Variants in CNTLN observed in about 807,000 individuals in gnomAD.
CNTLN encodes centlein.
A neutral mutation model predicts 180.0 loss-of-function variants in CNTLN; 212 were observed. That is an observed-to-expected ratio of 1.18 (90% CI 1.05 to 1.32). The LOEUF is 1.32. CNTLN is among the 40% of genes most tolerant of loss of function. CNTLN has a pLI of 0.00. For synonymous variants in CNTLN, 722 were observed against 563.1 expected (o/e 1.28, Z -3.99); for missense variants, 2,095 against 1,610.9 (o/e 1.30, Z -5.14).
At chr9:17,340,506 A>T (rs1419671010) in intron 10 of CNTLN, among the ~76,000 whole-genome samples, 3 of 152,236 alleles carry the variant, frequency 2.0e-5, no homozygotes, top group African/African-American at 7.2e-5. Context: ...GCTGAAAAAG[A>T]AAATAATTAA....
At chr9:17,321,840 A>AT (rs1473224857) in intron 8 of CNTLN, among the ~76,000 whole-genome samples, 2 of 151,588 alleles carry the variant, frequency 1.3e-5, no homozygotes, top group Non-Finnish European at 2.9e-5. Context: ...TTTCTATTCC[A>AT]TTTTTTTCTC....
intron 8 of CNTLN, among the ~76,000 whole-genome samples, chr9:17,326,130 A>G (rs2133078112): frequency 6.6e-6 from 1 of 152,230 alleles, no homozygotes; most frequent in East Asian, 1.9e-4. Flanking sequence ...AGTGTGAAAA[A>G]TAAAGTTATG....
chr9:17,443,487 A>G (rs1381151374), intron 18 of CNTLN, among the ~76,000 whole-genome samples: 1 of 152,172 alleles, frequency 6.6e-6, no homozygotes, highest in African/African-American at 2.4e-5. Context: ...TTAAATTGCT[A>G]TATGGTTGAG....
chr9:17,177,995 A>G (rs887595113), intron 2 of CNTLN, among the ~76,000 whole-genome samples: 10 of 151,934 alleles, frequency 6.6e-5, no homozygotes, highest in African/African-American at 2.4e-4. Flanking sequence ...AGTTCTCCAC[A>G]TCCCCACTAG....
chr9:17,384,926 G>T (rs1428108744), intron 13 of CNTLN, among the ~76,000 whole-genome samples: 2 of 152,136 alleles, frequency 1.3e-5, no homozygotes, highest in African/African-American at 4.8e-5. Flanking sequence ...AGACCCTACA[G>T]ATTAAGGACT....
At chr9:17,161,131 T>G (rs1451900209) in intron 2 of CNTLN, among the ~76,000 whole-genome samples, 1 of 152,132 alleles carries the variant, frequency 6.6e-6, no homozygotes, top group Non-Finnish European at 1.5e-5. Context: ...ATTAGAAGTT[T>G]ATGTTGTTGA....
At chr9:17,458,247 A>G (rs1831254016) in intron 19 of CNTLN, among the ~76,000 whole-genome samples, 1 of 151,860 alleles carries the variant, frequency 6.6e-6, no homozygotes. Flanking sequence ...ATCTAAGACC[A>G]AGCGAAACTG....
At chr9:17,153,364 C>G (rs1225875983) in intron 2 of CNTLN, among the ~76,000 whole-genome samples, 4 of 152,144 alleles carry the variant, frequency 2.6e-5, no homozygotes, top group Admixed American at 6.5e-5. Flanking sequence ...TGACAAAAAT[C>G]CCTCAGCATT....
At chr9:17,520,726 A>G in the CNTLN span, among the ~76,000 whole-genome samples, 1 of 152,242 alleles carries the variant, frequency 6.6e-6, no homozygotes. Context: ...TTGCTCTGTT[A>G]AGAGCAAAAT....
the CNTLN span, among the ~76,000 whole-genome samples, chr9:17,509,274 C>G: frequency 0.077 from 11,797 of 152,226 alleles, 1,483 homozygotes; most frequent in African/African-American, 0.26. Context: ...GATCAGCCAG[C>G]TACCTGGTGG....
rs1390381521 is a variant in CNTLN at position 17,416,141 on chromosome 9, A to G, written c.3066A>G (p.Gln1022=). Residue 1022 remains glutamine, a synonymous_variant, in exon 18 of 26, where the codon CAA becomes CAG. Coordinates refer to ENST00000380647, the MANE Select transcript of CNTLN (RefSeq NM_017738.4). The part of the protein sequence containing the change: ...YKEVNEKLLH[Q]QQVSDQRFQT... ...AAGTTAATGAAAAGCTCCTCCATCA[A>G]CAGCAAGTATCCGATCAACGATTTC... 1.9e-6 allele frequency: 3 copies of G among 1,613,564 alleles called. No individual in the cohort carries two copies. Among genetic ancestry groups the G allele is most frequent in the African/African-American group, 1.3e-5 (1 of 75,028 alleles).
intron 18 of CNTLN, among the ~76,000 whole-genome samples, chr9:17,445,888 C>A (rs189145847): frequency 6.6e-6 from 1 of 152,028 alleles, no homozygotes; most frequent in Admixed American, 6.5e-5. Context: ...TGGAATGTCC[C>A]GGTATAAAAC....
chr9:17,521,081 T>C, the CNTLN span, among the ~76,000 whole-genome samples: 1 of 152,080 alleles, frequency 6.6e-6, no homozygotes, highest in Non-Finnish European at 1.5e-5. Context: ...CTGTAAGTAA[T>C]CTAACTAGAC....
chr9:17,244,451 C>T (rs1475117671), intron 5 of CNTLN, among the ~76,000 whole-genome samples: 1 of 152,130 alleles, frequency 6.6e-6, no homozygotes, highest in African/African-American at 2.4e-5. Flanking sequence ...CTCCTGGGCT[C>T]AAGTGACCCT....
At chr9:17,253,041 G>A (rs1208393104) in intron 5 of CNTLN, among the ~76,000 whole-genome samples, 1 of 151,416 alleles carries the variant, frequency 6.6e-6, no homozygotes, top group East Asian at 1.9e-4. Flanking sequence ...TATCGCCAAT[G>A]TATATTCTTA....
chr9:17,523,078 G>A, the CNTLN span, among the ~76,000 whole-genome samples: 3 of 152,150 alleles, frequency 2.0e-5, no homozygotes, highest in African/African-American at 7.2e-5. Context: ...CCTAGAGTAT[G>A]TTGAGAGGCC....
chr9:17,155,354 A>G (rs1819199586), intron 2 of CNTLN, among the ~76,000 whole-genome samples: 1 of 152,198 alleles, frequency 6.6e-6, no homozygotes, highest in Non-Finnish European at 1.5e-5. Context: ...CAGACCTGGA[A>G]TGCTGTGCTG....
At chr9:17,321,712 C>T (rs1469887915) in intron 8 of CNTLN, among the ~76,000 whole-genome samples, 2 of 152,096 alleles carry the variant, frequency 1.3e-5, no homozygotes, top group African/African-American at 4.8e-5. Flanking sequence ...GATTGTAGTA[C>T]CTTTACTTGG....
chr9:17,210,577 C>G (rs1019932728), intron 2 of CNTLN, among the ~76,000 whole-genome samples: 3 of 152,068 alleles, frequency 2.0e-5, no homozygotes, highest in Non-Finnish European at 4.4e-5. Context: ...GGGTATATAC[C>G]CAGTAATGGG....
Sources: allele counts gnomAD v4.1 joint callset (sites outside exome capture counted in the v4.1 genomes callset), GRCh38; gene constraint gnomAD v4.1.1; transcripts MANE v1.5; gene names NCBI Gene and HGNC (gene_info 2026-07-23, HGNC 2026-07-21).